SLC18A1: variants seen among roughly 807,000 people sequenced by gnomAD.
SLC18A1 encodes chromaffin granule amine transporter.
In SLC18A1, 69 loss-of-function variants were observed where a neutral mutation model predicts 53.7. That is an observed-to-expected ratio of 1.28 (90% CI 1.06 to 1.57). The LOEUF (loss-of-function observed/expected upper bound fraction) is 1.57. SLC18A1 is among the 40% of genes most tolerant of loss of function. The pLI is 0.00. For missense variants in SLC18A1, 932 were observed against 668.1 expected, an observed-to-expected ratio of 1.40 and a Z score of -4.35; for synonymous variants, 320 against 248.1, an observed-to-expected ratio of 1.29 and a Z score of -2.72.
At chr8:20,159,511 C>T (rs757807246) in intron 10 of SLC18A1, among the ~76,000 whole-genome samples, 1 of 151,712 alleles carries the variant, frequency 6.6e-6, no homozygotes, top group South Asian at 2.1e-4. Context: ...CCTGAGAGCA[C>T]AGAGGGAGGG....
chr8:20,149,816 A>G, intron 11 of SLC18A1, 89 bp from the exon 12 acceptor site: 3 of 1,265,234 alleles, frequency 2.4e-6, no homozygotes, highest in Admixed American at 3.6e-5. Flanking sequence ...CTGTCCCACC[A>G]GCCCTAATCC....
intron 8 of SLC18A1, among the ~76,000 whole-genome samples, chr8:20,166,276 G>GGGT: frequency 3.3e-5 from 2 of 60,740 alleles, no homozygotes; most frequent in East Asian, 1.2e-3. Flanking sequence ...ATTGTGTGTG[G>GGGT]GTGTGTGTGT....
intron 10 of SLC18A1, among the ~76,000 whole-genome samples, chr8:20,159,143 C>G (rs181953104): frequency 1.3e-5 from 2 of 152,276 alleles, no homozygotes; most frequent in Admixed American, 1.3e-4. Context: ...CTGGACTGGC[C>G]TGCTAGCCCA....
chr8:20,173,161 C>T (rs1400132309), intron 5 of SLC18A1, 33 bp from the exon 6 acceptor site: 2 of 1,521,186 alleles, frequency 1.3e-6, no homozygotes, highest in African/African-American at 2.8e-5. Flanking sequence ...AGCTGGCCCC[C>T]TGGGGGGCTT....
chr8:20,160,399 A>C (rs1158976318), intron 10 of SLC18A1, among the ~76,000 whole-genome samples: 1 of 151,500 alleles, frequency 6.6e-6, no homozygotes, highest in African/African-American at 2.4e-5. Flanking sequence ...TATAGCTTAC[A>C]TTTTAGCAGT....
intron 12 of SLC18A1, chr8:20,148,615 G>A (rs1019607535): frequency 3.5e-5 from 17 of 484,030 alleles, no homozygotes; most frequent in Non-Finnish European, 5.9e-5. Context: ...CAGGAAGCTT[G>A]TGAGACTCAT....
Position 20,147,691 on chromosome 8 carries a change from C to T in SLC18A1, c.1242G>A (p.Met414Ile), listed in dbSNP as rs1239043651. ...GMVDSSMMPI[M>I]GHLVDLRHTS... ...TGTGGCGTAGATCCACCAGGTGCCC[C>T]ATGATGGGCATCATAGAAGAATCCA... The change falls in exon 14 of 16, where the codon ATG becomes ATA. Residue 414 changes from methionine (M) to isoleucine (I), a missense_variant. Met to Ile is a conservative substitution (Grantham distance 10). Coordinates refer to ENST00000276373, the MANE Select transcript of SLC18A1 (RefSeq NM_003053.4). 4 of 1,613,618 alleles carry T rather than the reference C, an allele frequency of 2.5e-6. No individual in the cohort carries two copies. Among genetic ancestry groups the T allele is most frequent in the Non-Finnish European group, 3.4e-6 (4 of 1,179,886 alleles).
intron 10 of SLC18A1, among the ~76,000 whole-genome samples, chr8:20,155,319 C>T (rs920907491): frequency 1.3e-5 from 2 of 152,144 alleles, no homozygotes; most frequent in Admixed American, 6.5e-5. Context: ...AGGAAAATAC[C>T]GAGCACCTGT....
chr8:20,150,734 G>A lies in SLC18A1; in HGVS notation c.1026C>T (p.Phe342=). 6.2e-7 allele frequency: 1 copy of A among 1,614,120 alleles called. No individual in the cohort carries two copies. The highest frequency in any genetic ancestry group is 8.5e-7 in the Non-Finnish European group (1 of 1,179,962). The part of the protein sequence containing the change: ...CSPKWQLGLA[F]LPASVSYLIG... ...TGAGGTAGGACACACTGGCAGGCAA[G>A]AAAGCTAGACCTGTGGAAGGACACA... The change falls in exon 11 of 16, where the codon TTC becomes TTT. Residue 342 remains phenylalanine, a synonymous_variant. Transcript: ENST00000276373.
intron 13 of SLC18A1, 46 bp from the exon 14 acceptor site, chr8:20,147,768 G>C: frequency 6.3e-7 from 1 of 1,591,962 alleles, no homozygotes. Flanking sequence ...CCCACAGTTA[G>C]TACCACCCCG....
intron 4 of SLC18A1, among the ~76,000 whole-genome samples, chr8:20,174,980 C>A (rs963615305): frequency 6.6e-6 from 1 of 152,190 alleles, no homozygotes; most frequent in Non-Finnish European, 1.5e-5. Context: ...GATCTTTTAA[C>A]CAGACAAAAT....
chr8:20,179,000 G>T, intron 3 of SLC18A1, 121 bp downstream of exon 3: 1 of 1,206,914 alleles, frequency 8.3e-7, no homozygotes, highest in Non-Finnish European at 1.1e-6. Context: ...CCGAATAGCT[G>T]ACTCCCCTGA....
intron 15 of SLC18A1, among the ~76,000 whole-genome samples, chr8:20,146,222 G>C (rs1032704914): frequency 6.6e-6 from 1 of 151,962 alleles, no homozygotes; most frequent in Non-Finnish European, 1.5e-5. Flanking sequence ...GCCAACCACC[G>C]CACATCTTTT....
At chr8:20,146,128 A>C (rs1585184381) in intron 15 of SLC18A1, among the ~76,000 whole-genome samples, 1 of 151,890 alleles carries the variant, frequency 6.6e-6, no homozygotes, top group Non-Finnish European at 1.5e-5. Context: ...TGTTAGCCAG[A>C]ATGGTCTCGA....
chr8:20,171,951 A>G (rs1349454225), intron 6 of SLC18A1, among the ~76,000 whole-genome samples: 1 of 152,240 alleles, frequency 6.6e-6, no homozygotes, highest in Non-Finnish European at 1.5e-5. Context: ...AGCGGGTGTT[A>G]GCAGAGTATG....
At chr8:20,155,232 A>G (rs1175639838) in intron 10 of SLC18A1, among the ~76,000 whole-genome samples, 1 of 152,200 alleles carries the variant, frequency 6.6e-6, no homozygotes, top group Non-Finnish European at 1.5e-5. Context: ...GGTGGCCTGT[A>G]CAGGGCTTCT....
At position 20,147,356 on chromosome 8, in the gene SLC18A1, C is replaced by T. The variant is rs140046639; in HGVS notation, c.1366G>A (p.Gly456Ser). 7.6e-5 allele frequency: 122 copies of T among 1,613,050 alleles called. 1 individual carries two copies. The highest frequency in any genetic ancestry group is 2.5e-4 in the African/African-American group (19 of 74,984). ...GTGATGACCATGAGCCAGGGAAAAC[C>T]GATGGCCTTTACAATGGCACCACCG... is the stretch of plus-strand genomic sequence containing the variant. ...STGGAIVKAI[G>S]FPWLMVITGV... The change falls in exon 15 of 16, where the codon GGT becomes AGT. Residue 456 changes from glycine (G) to serine (S), a missense_variant. Coordinates refer to ENST00000276373, the MANE Select transcript of SLC18A1 (RefSeq NM_003053.4).
chr8:20,179,511 G>C, intron 2 of SLC18A1, 27 bp from the exon 3 acceptor site: 1 of 1,585,744 alleles, frequency 6.3e-7, no homozygotes, highest in Non-Finnish European at 8.6e-7. Flanking sequence ...ACAGGTGATG[G>C]GGGCTAAGGA....
Position 20,147,666 on chromosome 8 carries a change from T to A in SLC18A1, c.1267A>T (p.Thr423Ser). ...GCGTAGACACTCCCATACACCGAGG[T>A]GTGGCGTAGATCCACCAGGTGCCCC... ...IMGHLVDLRH[T>S]SVYGSVYAIA... The change falls in exon 14 of 16, where the codon ACC becomes TCC. Residue 423 changes from threonine (T) to serine (S), a missense_variant. Coordinates refer to ENST00000276373, the MANE Select transcript of SLC18A1 (RefSeq NM_003053.4). 6.2e-7 allele frequency: 1 copy of A among 1,613,944 alleles called. No individual in the cohort carries two copies. The highest frequency in any genetic ancestry group is 1.1e-5 in the South Asian group (1 of 91,046).
Sources: gnomAD v4.1 joint callset for allele counts (sites outside exome capture counted in the v4.1 genomes callset) on GRCh38, gnomAD v4.1.1 for gene constraint, MANE v1.5 for transcripts, NCBI Gene and HGNC (gene_info 2026-07-23, HGNC 2026-07-21) for gene names.